Variants in SDK1 observed in about 807,000 individuals in gnomAD.
The protein encoded by SDK1 is protein sidekick-1.
SDK1 carries 157 observed loss-of-function variants against 245.5 expected under a neutral mutation model. That is an observed-to-expected ratio of 0.64 (90% CI 0.56 to 0.73). The LOEUF (loss-of-function observed/expected upper bound fraction) is 0.73, where lower values mean the gene tolerates loss of function less well. SDK1 is among the 30% of genes least tolerant of loss of function. SDK1 has a pLI of 0.00. For missense variants in SDK1, 3,583 were observed against 3,002.3 expected (o/e 1.19, Z -4.52); for synonymous variants, 1,647 against 1,278.5 (o/e 1.29, Z -6.15).
intron 1 of SDK1, among the ~76,000 whole-genome samples, chr7:3,420,081 C>G (rs1007225094): frequency 6.6e-6 from 1 of 152,184 alleles, no homozygotes; most frequent in African/African-American, 2.4e-5. Context: ...AACTGGAGAG[C>G]TTTCCATACT....
At chr7:3,969,555 A>G (rs1782326119) in intron 11 of SDK1, 131 bp downstream of exon 11, 3 of 586,516 alleles carry the variant, frequency 5.1e-6, no homozygotes, top group South Asian at 5.8e-5. Context: ...TATTTTTACA[A>G]CTAATTTATA....
intron 1 of SDK1, among the ~76,000 whole-genome samples, chr7:3,393,224 A>G (rs1781806935): frequency 6.6e-6 from 1 of 151,898 alleles, no homozygotes; most frequent in Non-Finnish European, 1.5e-5. Context: ...CACCTACCTC[A>G]GCCTCCCACA....
At chr7:3,947,036 T>C (rs928284740) in intron 5 of SDK1, among the ~76,000 whole-genome samples, 1 of 152,254 alleles carries the variant, frequency 6.6e-6, no homozygotes, top group African/African-American at 2.4e-5. Context: ...CCTTCTGCTG[T>C]GATGGATGAG....
chr7:3,660,087 C>T (rs2099300), intron 4 of SDK1, among the ~76,000 whole-genome samples: 145,401 of 152,156 alleles, frequency 0.96, 69,595 homozygotes, highest in African/African-American at 0.99. Context: ...AGACCGGAGA[C>T]AGAATATTGG....
At chr7:4,176,405 AC>A (rs1211452405) in intron 34 of SDK1, among the ~76,000 whole-genome samples, 1 of 152,152 alleles carries the variant, frequency 6.6e-6, no homozygotes, top group African/African-American at 2.4e-5. Context: ...CTGGACTCAA[AC>A]GATCCTCTTG....
In SDK1 at chr7:4,208,261, C is replaced by A; in HGVS notation, c.5377C>A (p.Gln1793Lys). The change falls in exon 37 of 45, where the codon CAG (glutamine) becomes AAG (lysine). Residue 1793 changes from glutamine (Q) to lysine (K), a missense_variant. By Grantham distance (53) the Gln-to-Lys change is moderately conservative. Transcript: ENST00000404826. ...AAGDGPKSDPQQGRTHQAAPG... is the reference protein window; with the variant it reads ...AAGDGPKSDPKQGRTHQAAPG... ...CGGAGATGGACCTAAGAGTGACCCC[C>A]AGCAGGGGCGCACCCACCAGGCCGG... 1 of 1,613,532 alleles carries A rather than the reference C, an allele frequency of 6.2e-7. No homozygotes were observed. Among genetic ancestry groups the A allele is most frequent in the Non-Finnish European group, 8.5e-7 (1 of 1,179,886 alleles).
At chr7:3,375,520 T>A (rs769192538) in intron 1 of SDK1, among the ~76,000 whole-genome samples, 1 of 152,152 alleles carries the variant, frequency 6.6e-6, no homozygotes, top group African/African-American at 2.4e-5. Flanking sequence ...ACCAGTAGGA[T>A]AGAATGAAGA....
chr7:3,460,405 C>A (rs1007607949), intron 1 of SDK1, among the ~76,000 whole-genome samples: 1 of 152,104 alleles, frequency 6.6e-6, no homozygotes, highest in Non-Finnish European at 1.5e-5. Context: ...CGTGTTTATG[C>A]TATTGAAAAT....
At chr7:3,358,787 G>A (rs1487329325) in intron 1 of SDK1, among the ~76,000 whole-genome samples, 1 of 152,186 alleles carries the variant, frequency 6.6e-6, no homozygotes, top group African/African-American at 2.4e-5. Context: ...ATGTGTCCTA[G>A]ATGGAGGCAA....
intron 1 of SDK1, among the ~76,000 whole-genome samples, chr7:3,446,813 C>A (rs1485866778): frequency 1.3e-5 from 2 of 152,168 alleles, no homozygotes; most frequent in African/African-American, 2.4e-5. Flanking sequence ...TTGTGGATTA[C>A]TGAACAGTCA....
At chr7:3,545,764 C>G (rs574968120) in intron 1 of SDK1, among the ~76,000 whole-genome samples, 1 of 152,128 alleles carries the variant, frequency 6.6e-6, no homozygotes, top group South Asian at 2.1e-4. Flanking sequence ...GACTTCTGGC[C>G]GCTGTTCTGT....
intron 1 of SDK1, among the ~76,000 whole-genome samples, chr7:3,544,837 C>T (rs564876157): frequency 6.6e-6 from 1 of 152,272 alleles, no homozygotes; most frequent in East Asian, 1.9e-4. Context: ...AGTGAGGTGT[C>T]ACTGCTCGTC....
In SDK1 at chr7:4,161,811, C is replaced by G; in HGVS notation, c.4755C>G (p.Val1585=). The change falls in exon 32 of 45, where the codon GTC becomes GTG. Residue 1585 remains valine, a synonymous_variant. Coordinates refer to ENST00000404826, the MANE Select transcript of SDK1 (RefSeq NM_152744.4). The stretch of plus-strand genomic sequence containing the variant: ...TTCCAGGAGAGCCCCCGGGATCTGT[C>G]TCAGCGACGCCACACACCACGTCCT... ...QDVPGEPPGS[V]SATPHTTSSV... is the part of the protein sequence containing the mutation. 6.2e-7 allele frequency: 1 copy of G among 1,614,166 alleles called. No individual in the cohort carries two copies. Among genetic ancestry groups the G allele is most frequent in the South Asian group, 1.1e-5 (1 of 91,080 alleles).
At chr7:3,779,459 T>A (rs7797975) in intron 4 of SDK1, among the ~76,000 whole-genome samples, 7,505 of 145,416 alleles carry the variant, frequency 0.052, 485 homozygotes, top group African/African-American at 0.15. Flanking sequence ...CTATTTTTTT[T>A]AAAAAAAAAA....
Position 4,178,589 on chromosome 7 carries a change from A to G in SDK1, c.5098+3A>G. ...GGAGGTCTTTGTCGGCGAGGCTGGT[A>G]AGCTCCGTGCACCCCCAACCCCACT... On this transcript the variant is annotated splice_donor_region_variant and intron_variant, in intron 35 of 44. Transcript: ENST00000404826. The G allele has an allele frequency of 3.7e-6, 6 of 1,605,084 alleles. No individual in the cohort carries two copies. The highest frequency in any genetic ancestry group is 5.1e-6 in the Non-Finnish European group (6 of 1,175,848).
chr7:4,093,348 A>G (rs1781924975), intron 22 of SDK1, among the ~76,000 whole-genome samples: 1 of 152,052 alleles, frequency 6.6e-6, no homozygotes, highest in South Asian at 2.1e-4. Flanking sequence ...TAGCCAAAAT[A>G]ACGTCTAGTC....
intron 1 of SDK1, among the ~76,000 whole-genome samples, chr7:3,473,759 C>T (rs907601650): frequency 1.3e-5 from 2 of 152,124 alleles, no homozygotes; most frequent in African/African-American, 4.8e-5. Context: ...CTGGCTCCCA[C>T]AGTAGGTTAA....
At chr7:4,246,492 G>A (rs992915741) in intron 44 of SDK1, among the ~76,000 whole-genome samples, 6 of 152,180 alleles carry the variant, frequency 3.9e-5, no homozygotes, top group South Asian at 2.1e-4. Context: ...GGGTGGCAGC[G>A]GGTCTGATCC....
At chr7:3,997,361 C>T (rs1268505216) in intron 14 of SDK1, among the ~76,000 whole-genome samples, 3 of 152,160 alleles carry the variant, frequency 2.0e-5, no homozygotes, top group Non-Finnish European at 4.4e-5. Flanking sequence ...GCAAGTCGTC[C>T]CATCGTCTCT....
Sources: allele counts gnomAD v4.1 joint callset (sites outside exome capture counted in the v4.1 genomes callset), GRCh38; gene constraint gnomAD v4.1.1; transcripts MANE v1.5; gene names NCBI Gene and HGNC (gene_info 2026-07-23, HGNC 2026-07-21).